Variants in KCNIP4 observed in about 807,000 individuals in gnomAD.
The protein encoded by KCNIP4 is potassium voltage-gated channel interacting protein 4.
In KCNIP4, 12 loss-of-function variants were observed where a neutral mutation model predicts 34.0. The ratio of observed to expected loss-of-function variants is 0.35; its 90% CI spans 0.23 to 0.57. KCNIP4 has a LOEUF of 0.57. Ranked by LOEUF, KCNIP4 falls within the 20% of genes least tolerant of loss-of-function variation. The pLI, the probability that KCNIP4 is intolerant of heterozygous loss-of-function variation, is 0.83. For synonymous variants in KCNIP4, 124 were observed against 102.2 expected (o/e 1.21, Z -1.29); for missense variants, 238 against 311.7 (o/e 0.76, Z 1.78).
intron 1 of KCNIP4, among the ~76,000 whole-genome samples, chr4:21,494,092 A>G (rs1240487962): frequency 6.6e-6 from 1 of 152,148 alleles, no homozygotes; most frequent in Non-Finnish European, 1.5e-5. Flanking sequence ...TCACATGGCA[A>G]CTCAGCAAAT....
intron 3 of KCNIP4, among the ~76,000 whole-genome samples, chr4:20,802,272 A>G (rs1374780792): frequency 9.2e-6 from 1 of 108,446 alleles, no homozygotes; most frequent in African/African-American, 3.1e-5. Context: ...TGCTATATAT[A>G]TGCTATATAT....
intron 1 of KCNIP4, among the ~76,000 whole-genome samples, chr4:20,936,806 G>T (rs1577395015): frequency 6.6e-6 from 1 of 152,246 alleles, no homozygotes; most frequent in East Asian, 1.9e-4. Context: ...ATAAAATTTA[G>T]CCAAAGGCTG....
In KCNIP4 at chr4:20,951,074, T is replaced by A. The variant is rs551170266; in HGVS notation, c.62-68365A>T. Among the ~76,000 whole-genome samples, 9 of 152,266 alleles carry A rather than the reference T, an allele frequency of 5.9e-5. No homozygotes were observed. In the South Asian group the frequency reaches 1.9e-3, roughly 32 times the overall value. On this transcript the variant is annotated intron_variant, in intron 1 of 8. Coordinates refer to ENST00000382152, the MANE Select transcript of KCNIP4 (RefSeq NM_025221.6). Reference sequence around the variant, plus strand: ...GGACACTGATCTAATAGGATTAGTATCTTTATAAGAAGACACGTCAGAGTG... The same window carrying A: ...GGACACTGATCTAATAGGATTAGTAACTTTATAAGAAGACACGTCAGAGTG...
Position 21,398,405 on chromosome 4 carries a change from A to T in KCNIP4, c.62-515696T>A, listed in dbSNP as rs528217248. Among the ~76,000 whole-genome samples, 336 of 152,320 alleles carry T rather than the reference A, an allele frequency of 2.2e-3. 3 individuals carry two copies. Among genetic ancestry groups the T allele is most frequent in the African/African-American group, 7.7e-3 (319 of 41,582 alleles). ...TGTTAATCCCAATGGCACAAAGATG[A>T]CCTATGTCATTTTAATGGTATGGTA... On this transcript the variant is annotated intron_variant, in intron 1 of 8. Coordinates refer to ENST00000382152, the MANE Select transcript of KCNIP4 (RefSeq NM_025221.6).
intron 1 of KCNIP4, among the ~76,000 whole-genome samples, chr4:21,757,158 AGAAAGAAAGAAGGAAG>A (rs1560691148): frequency 3.1e-3 from 91 of 29,094 alleles, no homozygotes; most frequent in Non-Finnish European, 3.6e-3. Flanking sequence ...AAAGAAAGAA[AGAAAGAAAGAAGGAAG>A]GAAGGAAGGA....
chr4:21,019,159 G>T (rs753259367), intron 1 of KCNIP4, among the ~76,000 whole-genome samples: 19 of 151,890 alleles, frequency 1.3e-4, no homozygotes, highest in Middle Eastern at 3.4e-3. Flanking sequence ...ATTCTTTTTT[G>T]TTGTTGTTGT....
intron 1 of KCNIP4, among the ~76,000 whole-genome samples, chr4:21,096,616 A>C (rs1312643420): frequency 6.6e-6 from 1 of 152,154 alleles, no homozygotes; most frequent in Non-Finnish European, 1.5e-5. Context: ...TGGTTCTTCG[A>C]GAATTATTTT....
Position 21,025,217 on chromosome 4 carries a change from A to G in KCNIP4, c.62-142508T>C, listed in dbSNP as rs373102100. ...GTCATTTAGGGTTTGTCTGACCCCCATACAGGTGAGGTAGGGGAGGAAGAA... is the reference window on the plus strand; with the variant it reads ...GTCATTTAGGGTTTGTCTGACCCCCGTACAGGTGAGGTAGGGGAGGAAGAA... On this transcript the variant is annotated intron_variant, in intron 1 of 8. Transcript: ENST00000382152. Among the ~76,000 whole-genome samples the G allele has an allele frequency of 2.0e-3, 297 of 152,268 alleles. 7 individuals are homozygous for G. In the South Asian group the frequency reaches 0.054, roughly 28 times the overall value.
At chr4:21,425,378 G>A (rs1450488869) in intron 1 of KCNIP4, among the ~76,000 whole-genome samples, 2 of 152,016 alleles carry the variant, frequency 1.3e-5, no homozygotes, top group African/African-American at 2.4e-5. Flanking sequence ...TAACACTATA[G>A]TATTTTTTAT....
chr4:21,764,957 T>A (rs1429995094), intron 1 of KCNIP4, among the ~76,000 whole-genome samples: 1 of 151,954 alleles, frequency 6.6e-6, no homozygotes, highest in East Asian at 1.9e-4. Flanking sequence ...AAAAGCTGTG[T>A]ATTGGAGGAG....
intron 1 of KCNIP4, among the ~76,000 whole-genome samples, chr4:21,926,895 T>C (rs1729278903): frequency 6.6e-6 from 1 of 152,196 alleles, no homozygotes; most frequent in Admixed American, 6.6e-5. Flanking sequence ...TCATTCTCTA[T>C]TGTTGCTGCA....
chr4:21,771,722 T>G (rs1219454453), intron 1 of KCNIP4, among the ~76,000 whole-genome samples: 1 of 152,196 alleles, frequency 6.6e-6, no homozygotes, highest in East Asian at 1.9e-4. Context: ...GATTTAGCTC[T>G]CGGCTTGCCT....
In KCNIP4 at chr4:21,111,516, G is replaced by A. The variant is rs577982560; in HGVS notation, c.62-228807C>T. 4.6e-5 allele frequency among the ~76,000 whole-genome samples: 7 copies of A among 152,286 alleles called. No individual in the cohort carries two copies. The South Asian group carries it at 1.0e-3, about 23-fold the overall frequency. On this transcript the variant is annotated intron_variant, in intron 1 of 8. Transcript: ENST00000382152. ...AATCCTTTGAAGTCCTTCTCATCTAGAACAGGTAGGAACAGAAAAAGTCTC... is the reference window on the plus strand; with the variant it reads ...AATCCTTTGAAGTCCTTCTCATCTAAAACAGGTAGGAACAGAAAAAGTCTC...
intron 3 of KCNIP4, among the ~76,000 whole-genome samples, chr4:20,840,744 C>T (rs1719623194): frequency 6.6e-6 from 1 of 152,160 alleles, no homozygotes; most frequent in Non-Finnish European, 1.5e-5. Flanking sequence ...TTGTCTTAAA[C>T]CACTGAGTTA....
At chr4:20,823,890 G>A (rs1337386838) in intron 3 of KCNIP4, among the ~76,000 whole-genome samples, 4 of 152,174 alleles carry the variant, frequency 2.6e-5, no homozygotes, top group African/African-American at 9.7e-5. Flanking sequence ...AGTCGGAATG[G>A]AAAGCAAATA....
At chr4:20,990,565 A>G (rs1364472307) in intron 1 of KCNIP4, among the ~76,000 whole-genome samples, 1 of 152,252 alleles carries the variant, frequency 6.6e-6, no homozygotes, top group Non-Finnish European at 1.5e-5. Context: ...AATAGTCCTC[A>G]TGAATCTTAT....
At chr4:21,410,258 G>A (rs1210502976) in intron 1 of KCNIP4, among the ~76,000 whole-genome samples, 1 of 152,180 alleles carries the variant, frequency 6.6e-6, no homozygotes, top group African/African-American at 2.4e-5. Context: ...AAGTTGTAGT[G>A]TTTTAAAATA....
At chr4:20,804,071 A>G (rs968453100) in intron 3 of KCNIP4, among the ~76,000 whole-genome samples, 3 of 152,220 alleles carry the variant, frequency 2.0e-5, no homozygotes, top group African/African-American at 7.2e-5. Context: ...ATAGTAACTC[A>G]AGTGTAATAG....
chr4:21,454,347 G>A (rs1458846982), intron 1 of KCNIP4, among the ~76,000 whole-genome samples: 2 of 152,006 alleles, frequency 1.3e-5, no homozygotes, highest in African/African-American at 4.8e-5. Flanking sequence ...AAACCCAGGG[G>A]AATAAATGTT....
Sources: allele counts gnomAD v4.1 joint callset (sites outside exome capture counted in the v4.1 genomes callset), GRCh38; gene constraint gnomAD v4.1.1; transcripts MANE v1.5; gene names NCBI Gene and HGNC (gene_info 2026-07-23, HGNC 2026-07-21).